ACAD11: variants seen among roughly 807,000 people sequenced by gnomAD.
ACAD11 encodes the protein acyl-CoA dehydrogenase family member 11, also known as acyl-Coenzyme A dehydrogenase family, member 11.
In ACAD11, 83 loss-of-function variants were observed where a neutral mutation model predicts 102.2. That is an observed-to-expected ratio of 0.81 (90% confidence interval 0.68 to 0.97). ACAD11 has a LOEUF of 0.97. ACAD11 is among the 50% of genes least tolerant of loss of function. ACAD11 has a pLI of 0.00. For synonymous variants in ACAD11, 324 were observed against 319.8 expected (o/e 1.01, Z -0.14); for missense variants, 901 against 951.7 (o/e 0.95, Z 0.70).
At chr3:132,582,349 A>G (rs1937615223) in intron 13 of ACAD11, among the ~76,000 whole-genome samples, 1 of 151,678 alleles carries the variant, frequency 6.6e-6, no homozygotes, top group Non-Finnish European at 1.5e-5. Context: ...TAAAAAAAAA[A>G]AAGAGTTTTC....
intron 1 of ACAD11, among the ~76,000 whole-genome samples, chr3:132,655,924 A>G (rs1034006732): frequency 6.6e-6 from 1 of 152,250 alleles, no homozygotes; most frequent in East Asian, 1.9e-4. Context: ...TTAAAAGTAA[A>G]TCTTGCAGAT....
chr3:132,586,135 T>C (rs1328432866), intron 13 of ACAD11, among the ~76,000 whole-genome samples: 1 of 152,086 alleles, frequency 6.6e-6, no homozygotes, highest in Non-Finnish European at 1.5e-5. Flanking sequence ...ATGTGGCACA[T>C]ATACACCATG....
chr3:132,600,034 TTTAG>T (rs1938499053), intron 13 of ACAD11, among the ~76,000 whole-genome samples: 1 of 152,228 alleles, frequency 6.6e-6, no homozygotes, highest in African/African-American at 2.4e-5. Flanking sequence ...ATTTATTCTT[TTTAG>T]TTAAAATCTA....
At chr3:132,653,919 G>A (rs1276151836) in intron 1 of ACAD11, among the ~76,000 whole-genome samples, 1 of 151,818 alleles carries the variant, frequency 6.6e-6, no homozygotes, top group Non-Finnish European at 1.5e-5. Flanking sequence ...TCTTTTTGTC[G>A]ATGGCTCTCA....
Position 132,642,688 on chromosome 3 carries a change from C to A in ACAD11, c.364G>T (p.Glu122Ter), listed in dbSNP as rs1189258111. The A allele has an allele frequency of 1.2e-6, 2 of 1,606,386 alleles. No individual in the cohort carries two copies. Among genetic ancestry groups the A allele is most frequent in the Non-Finnish European group, 1.7e-6 (2 of 1,177,836 alleles). Residue 122 changes from glutamate to a stop codon, truncating the protein, a stop_gained, in exon 3 of 20, where the codon GAA (glutamate) becomes TAA (stop). Coordinates refer to ENST00000264990, the MANE Select transcript of ACAD11 (RefSeq NM_032169.5). LOFTEE classifies it high-confidence loss of function. ...AAGTGTTAATTTACCTGCACATGTT[C>A]CATTACGTAAAATTCTGTTCCAATG... ...SVIGTEFYVM[E>*]HVQGRIFRDL...
chr3:132,561,045 G>A lies in ACAD11; in HGVS notation c.2118+56C>T, dbSNP rs1937038537. The A allele has an allele frequency of 4.5e-6, 6 of 1,342,748 alleles. No homozygotes were observed. The East Asian group carries it at 1.2e-4, about 26-fold the overall frequency. The allele number at this position is 1,342,748 out of a possible 1,614,324, so 83.2% of individuals were successfully genotyped here. ...ATGAAAACTGAAATGTCCAACAGGT[G>A]AGAGAACTGGAGAAGGCTCAGCAGT... On this transcript the variant is annotated intron_variant, in intron 18 of 19. Coordinates refer to ENST00000264990, the MANE Select transcript of ACAD11 (RefSeq NM_032169.5).
chr3:132,566,871 C>T (rs763890358), intron 17 of ACAD11, among the ~76,000 whole-genome samples: 3 of 152,118 alleles, frequency 2.0e-5, no homozygotes, highest in East Asian at 1.9e-4. Flanking sequence ...TAATAAAATT[C>T]GTTTGCTTTC....
chr3:132,574,688 A>G (rs1937480879), intron 17 of ACAD11, among the ~76,000 whole-genome samples: 1 of 152,242 alleles, frequency 6.6e-6, no homozygotes, highest in African/African-American at 2.4e-5. Flanking sequence ...CATGTTAGCA[A>G]TAATAAAGAG....
intron 11 of ACAD11, among the ~76,000 whole-genome samples, chr3:132,609,044 G>A (rs761555952): frequency 6.6e-5 from 10 of 152,098 alleles, no homozygotes; most frequent in Non-Finnish European, 1.2e-4. Flanking sequence ...AATGACTACT[G>A]GGTAAATAAT....
intron 17 of ACAD11, among the ~76,000 whole-genome samples, chr3:132,571,654 A>C (rs751956463): frequency 6.6e-5 from 10 of 152,028 alleles, no homozygotes; most frequent in Non-Finnish European, 1.3e-4. Flanking sequence ...TAAGTCTTTG[A>C]TCCTCAACAA....
chr3:132,579,348 G>A, intron 14 of ACAD11, 144 bp downstream of exon 14: 1 of 708,506 alleles, frequency 1.4e-6, no homozygotes, highest in South Asian at 2.1e-5. Flanking sequence ...GAAAATACTT[G>A]TGAAATACAA....
rs886406174 is a variant in ACAD11, at chr3:132,579,488, T to C, written c.1688+4A>G. 8 of 1,611,216 alleles carry C rather than the reference T, an allele frequency of 5.0e-6. No individual in the cohort carries two copies. The highest frequency in any genetic ancestry group is 6.8e-6 in the Non-Finnish European group (8 of 1,178,016). ...AGGTTTCTCAATCAGAATTGTTTAA[T>C]TACCTGGAGAGAGAAGTATTTTGAG... On this transcript the variant is annotated splice_donor_region_variant and intron_variant, in intron 14 of 19. Coordinates refer to ENST00000264990, the MANE Select transcript of ACAD11 (RefSeq NM_032169.5).
chr3:132,579,523 A>G lies in ACAD11; in HGVS notation c.1657T>C (p.Leu553=). The G allele has an allele frequency of 6.2e-7, 1 of 1,613,110 alleles. No individual in the cohort carries two copies. The highest frequency in any genetic ancestry group is 1.1e-5 in the South Asian group (1 of 91,002). Residue 553 remains leucine (L), a synonymous_variant, in exon 14 of 20, where the codon TTG becomes CTG. Coordinates refer to ENST00000264990, the MANE Select transcript of ACAD11 (RefSeq NM_032169.5). ...AGAGAAGTATTTTGAGTTCTTCCCA[A>G]AACAATTGCAATTTTGCACTTGGGA... ...GNPKCKIAIV[L]GRTQNTSLSR...
At chr3:132,646,397 CAACAA>C (rs2107892723) in intron 1 of ACAD11, 1 of 152,280 alleles carries the variant, frequency 6.6e-6, no homozygotes, top group African/African-American at 2.4e-5. Context: ...TCACGTCTGG[CAACAA>C]TGAATCTTAC....
At chr3:132,646,187 A>C (rs1228616395) in intron 1 of ACAD11, among the ~76,000 whole-genome samples, 1 of 152,196 alleles carries the variant, frequency 6.6e-6, no homozygotes, top group African/African-American at 2.4e-5. Flanking sequence ...CGTGGTCTCG[A>C]TCTCTTGACC....
At chr3:132,596,466 G>A (rs1369261909) in intron 13 of ACAD11, among the ~76,000 whole-genome samples, 1 of 152,038 alleles carries the variant, frequency 6.6e-6, no homozygotes, top group African/African-American at 2.4e-5. Context: ...AATGGCATGG[G>A]TCTGAAATAA....
intron 17 of ACAD11, among the ~76,000 whole-genome samples, chr3:132,568,405 TA>T (rs1475264224): frequency 1.2e-4 from 18 of 151,954 alleles, no homozygotes; most frequent in African/African-American, 4.3e-4. Context: ...AAGGAAAAGC[TA>T]AATAAATGGA....
chr3:132,630,392 C>T (rs761530263), intron 7 of ACAD11, 45 bp downstream of exon 7: 1 of 1,582,306 alleles, frequency 6.3e-7, no homozygotes, highest in East Asian at 2.3e-5. Context: ...GTCAACAGTA[C>T]ACTGGTAAAT....
chr3:132,653,961 G>A (rs185887501), intron 1 of ACAD11, among the ~76,000 whole-genome samples: 44 of 152,158 alleles, frequency 2.9e-4, no homozygotes, highest in Non-Finnish European at 5.1e-4. Flanking sequence ...TCTCTGCCCC[G>A]ACCTCAAGAC....
Sources: allele counts gnomAD v4.1 joint callset (sites outside exome capture counted in the v4.1 genomes callset), GRCh38; gene constraint gnomAD v4.1.1; transcripts MANE v1.5; gene names NCBI Gene and HGNC (gene_info 2026-07-23, HGNC 2026-07-21).